CDK14: variants seen among roughly 807,000 people sequenced by gnomAD.
The protein encoded by CDK14 is cyclin dependent kinase 14, also known as cyclin-dependent kinase 14.
CDK14 carries 34 observed loss-of-function variants against 60.7 expected under a neutral mutation model. The ratio of observed to expected loss-of-function variants is 0.56; its 90% CI spans 0.43 to 0.75. The LOEUF is 0.75. Among genes scored for constraint, CDK14 ranks in the 30% least tolerant of loss-of-function variants. The probability of loss-of-function intolerance (pLI) is 0.00; values close to 1 mark genes in which losing one functional copy is unlikely to be tolerated. For synonymous variants in CDK14, 197 were observed against 203.7 expected, an observed-to-expected ratio of 0.97 and a Z score of 0.28; for missense variants, 482 against 564.1, an observed-to-expected ratio of 0.85 and a Z score of 1.47.
At chr7:90,614,005 A>AT (rs1799598694) in intron 2 of CDK14, among the ~76,000 whole-genome samples, 1 of 98,040 alleles carries the variant, frequency 1.0e-5, no homozygotes, top group African/African-American at 4.2e-5. Context: ...AGTCCCAAAC[A>AT]CTTTTTTTTT....
chr7:90,640,066 G>A (rs1468613325), intron 2 of CDK14, among the ~76,000 whole-genome samples: 1 of 152,150 alleles, frequency 6.6e-6, no homozygotes, highest in African/African-American at 2.4e-5. Flanking sequence ...GACCCCTTGT[G>A]CTTCCCGAGT....
At chr7:91,178,552 A>C (rs193198015) in intron 14 of CDK14, among the ~76,000 whole-genome samples, 2 of 152,092 alleles carry the variant, frequency 1.3e-5, no homozygotes, top group Admixed American at 1.3e-4. Flanking sequence ...AAATTTTCAC[A>C]ACCTACTCAT....
chr7:90,717,544 T>C (rs1802291252), intron 2 of CDK14, among the ~76,000 whole-genome samples: 1 of 152,074 alleles, frequency 6.6e-6, no homozygotes, highest in Admixed American at 6.6e-5. Context: ...TTAAGTGAAA[T>C]TGGGTCAGAT....
intron 3 of CDK14, among the ~76,000 whole-genome samples, chr7:90,731,913 G>C (rs954595633): frequency 5.3e-5 from 8 of 151,992 alleles, no homozygotes; most frequent in African/African-American, 1.9e-4. Context: ...TCCTTGTCTT[G>C]TGCCGGTTTT....
chr7:90,676,112 C>A (rs1193794179), intron 2 of CDK14, among the ~76,000 whole-genome samples: 1 of 152,190 alleles, frequency 6.6e-6, no homozygotes, highest in Non-Finnish European at 1.5e-5. Context: ...CAGTAATGAG[C>A]AAATCAGACA....
chr7:90,596,739 G>C (rs1799194031), intron 1 of CDK14, 21 bp downstream of exon 1: 1 of 1,589,850 alleles, frequency 6.3e-7, no homozygotes, highest in Admixed American at 1.7e-5. Flanking sequence ...CGCTGCCCCC[G>C]GCCCCCCCAG....
intron 10 of CDK14, among the ~76,000 whole-genome samples, chr7:91,011,253 A>G (rs1432368073): frequency 6.6e-6 from 1 of 152,094 alleles, no homozygotes; most frequent in Non-Finnish European, 1.5e-5. Context: ...GCATGATACT[A>G]GGTGAGTTAC....
intron 8 of CDK14, among the ~76,000 whole-genome samples, chr7:90,919,775 C>G (rs1035508110): frequency 7.9e-5 from 12 of 152,188 alleles, no homozygotes; most frequent in Non-Finnish European, 1.5e-4. Context: ...TATTCAGTCT[C>G]TTATTAATGA....
At chr7:90,895,557 T>G (rs1365663143) in intron 6 of CDK14, among the ~76,000 whole-genome samples, 1 of 68,206 alleles carries the variant, frequency 1.5e-5, no homozygotes, top group Middle Eastern at 5.4e-3. Flanking sequence ...TCCCCTCTCC[T>G]CCCCTCCCCT....
chr7:91,129,327 A>G (rs1312635197), intron 14 of CDK14, among the ~76,000 whole-genome samples: 4 of 152,186 alleles, frequency 2.6e-5, no homozygotes, highest in African/African-American at 7.2e-5. Context: ...CAACCACACA[A>G]TTCAATTTTG....
At chr7:90,806,378 T>G (rs1322808672) in intron 5 of CDK14, among the ~76,000 whole-genome samples, 1 of 152,158 alleles carries the variant, frequency 6.6e-6, no homozygotes, top group Non-Finnish European at 1.5e-5. Context: ...GATAAAGGAT[T>G]TATATTAAAA....
intron 8 of CDK14, among the ~76,000 whole-genome samples, chr7:90,919,657 T>C (rs1793187510): frequency 6.6e-6 from 1 of 152,202 alleles, no homozygotes; most frequent in African/African-American, 2.4e-5. Context: ...TACTATTTTG[T>C]AAGCATTTTT....
At chr7:91,045,860 A>G in intron 10 of CDK14, 37 bp from the exon 11 acceptor site, 1 of 1,371,794 alleles carries the variant, frequency 7.3e-7, no homozygotes, top group Non-Finnish European at 1.0e-6. Flanking sequence ...CTTTGGAAAT[A>G]ATAAGGCTGT....
intron 2 of CDK14, among the ~76,000 whole-genome samples, chr7:90,711,744 A>G (rs1802067513): frequency 6.6e-6 from 1 of 152,084 alleles, no homozygotes; most frequent in Non-Finnish European, 1.5e-5. Context: ...ATACTTTCTC[A>G]TGGATAGTCA....
chr7:91,041,120 C>G (rs1380334702), intron 10 of CDK14, among the ~76,000 whole-genome samples: 1 of 151,780 alleles, frequency 6.6e-6, no homozygotes, highest in Non-Finnish European at 1.5e-5. Flanking sequence ...CCATCATTAC[C>G]TCTTAGTTCC....
intron 5 of CDK14, among the ~76,000 whole-genome samples, chr7:90,848,588 CT>C (rs1361039176): frequency 6.6e-6 from 1 of 151,128 alleles, no homozygotes; most frequent in Non-Finnish European, 1.5e-5. Context: ...ACCTACTTGA[CT>C]TTTTTTCTAA....
intron 8 of CDK14, among the ~76,000 whole-genome samples, chr7:90,934,213 G>C (rs772079725): frequency 1.7e-4 from 26 of 152,256 alleles, no homozygotes; most frequent in Non-Finnish European, 3.2e-4. Context: ...GCTGGAACCT[G>C]CTGCCAGTCA....
In CDK14 at chr7:90,982,076, G is replaced by T. The variant is rs553023395; in HGVS notation, c.948-2072G>T. On this transcript the variant is annotated intron_variant, in intron 9 of 14. Coordinates refer to ENST00000380050, the MANE Select transcript of CDK14 (RefSeq NM_001287135.2). ...TGTTGGGCTTGGTGCAAGCTGCAGT[G>T]GTCTGGGAGGCAAGGTCTTTTGATT... is the stretch of plus-strand genomic sequence containing the variant. 6.6e-5 allele frequency among the ~76,000 whole-genome samples: 10 copies of T among 152,292 alleles called. No homozygotes were observed. In the South Asian group the frequency reaches 2.1e-3, roughly 32 times the overall value.
intron 14 of CDK14, among the ~76,000 whole-genome samples, chr7:91,145,231 G>A (rs531336855): frequency 8.5e-5 from 13 of 152,268 alleles, no homozygotes; most frequent in South Asian, 4.2e-4. Flanking sequence ...GACCTGTTCC[G>A]ATTGAGCAAT....
Sources: allele counts gnomAD v4.1 joint callset (sites outside exome capture counted in the v4.1 genomes callset), GRCh38; gene constraint gnomAD v4.1.1; transcripts MANE v1.5; gene names NCBI Gene and HGNC (gene_info 2026-07-23, HGNC 2026-07-21).